DBT: variants seen among roughly 807,000 people sequenced by gnomAD.
The protein encoded by DBT is dihydrolipoamide branched chain transacylase E2.
DBT carries 40 observed loss-of-function variants against 51.3 expected under a neutral mutation model. The observed-to-expected ratio is 0.78, with a 90% CI of 0.61 to 1.02. The LOEUF (loss-of-function observed/expected upper bound fraction) is 1.02. Ranked by LOEUF, DBT falls within the 50% of genes least tolerant of loss-of-function variation. DBT has a pLI of 0.00. For synonymous variants in DBT, 181 were observed against 190.4 expected (o/e 0.95, Z 0.41); for missense variants, 510 against 580.2 (o/e 0.88, Z 1.24).
At chr1:100,213,330 C>G in intron 7 of DBT, 1 of 1,516,204 alleles carries the variant, frequency 6.6e-7, no homozygotes. Flanking sequence ...CGGCCGCCCG[C>G]CTACAACCTG....
intron 2 of DBT, among the ~76,000 whole-genome samples, chr1:100,238,238 C>T (rs1035239421): frequency 7.2e-6 from 1 of 138,770 alleles, no homozygotes; most frequent in African/African-American, 2.6e-5. Context: ...CCCTTCCTTC[C>T]CTCACTTCCT....
intron 10 of DBT, among the ~76,000 whole-genome samples, chr1:100,200,463 G>T (rs1661372525): frequency 6.6e-6 from 1 of 152,204 alleles, no homozygotes; most frequent in Non-Finnish European, 1.5e-5. Flanking sequence ...GGGGGAAGGG[G>T]TGGCTGTGGG....
intron 8 of DBT, 108 bp downstream of exon 8, chr1:100,210,586 A>G: frequency 6.8e-7 from 1 of 1,466,484 alleles, no homozygotes; most frequent in Non-Finnish European, 9.3e-7. Context: ...CTTTAATTCT[A>G]GTCTAAAAAA....
At position 100,196,431 on chromosome 1, in the gene DBT, GAAAAAAAAAAAAAAAAA is replaced by G. The variant is rs752915898; in HGVS notation, c.1282-26_1282-10del. On this transcript the variant is annotated splice_polypyrimidine_tract_variant and intron_variant, in intron 10 of 10. Coordinates refer to ENST00000370132, the MANE Select transcript of DBT (RefSeq NM_001918.5). ...TTAAATCGGGGAATGGCCTAGAAAT[GAAAAAAAAAAAAAAAAA>G]AAAAAAAAAAAGAACAAAGAGTAAA... 3.5e-5 allele frequency: 23 copies of G among 649,008 alleles called. No homozygotes were observed. Among genetic ancestry groups the G allele is most frequent in the Admixed American group, 1.3e-4 (3 of 22,736 alleles). The allele number at this position is 649,008 out of a possible 1,614,324, so 40.2% of individuals were successfully genotyped here.
At chr1:100,213,985 CA>C (rs1262855857) in intron 7 of DBT, among the ~76,000 whole-genome samples, 6 of 148,706 alleles carry the variant, frequency 4.0e-5, no homozygotes, top group Admixed American at 2.0e-4. Context: ...ATAATGTATA[CA>C]GCATGCTTAC....
chr1:100,249,080 G>A (rs1196310573), intron 1 of DBT: 1 of 987,956 alleles, frequency 1.0e-6, no homozygotes, highest in Non-Finnish European at 1.2e-6. Context: ...ACCAAGGCAG[G>A]AGCATCTAGG....
chr1:100,213,708 T>A (rs1662303025), intron 7 of DBT: 1 of 1,588,992 alleles, frequency 6.3e-7, no homozygotes, highest in Non-Finnish European at 8.5e-7. Context: ...CACCCAGCTC[T>A]CTTTTTCTAA....
chr1:100,196,777 TTAAA>T (rs1661135011), intron 10 of DBT: 1 of 225,154 alleles, frequency 4.4e-6, no homozygotes, highest in African/African-American at 2.3e-5. Context: ...AGACAGACAA[TTAAA>T]TAAGGCTTCC....
rs1010389103 is a variant in DBT at position 100,206,113 on chromosome 1, A to T, written c.1281+117T>A. The T allele has an allele frequency of 7.2e-5, 54 of 750,864 alleles. 1 individual carries two copies. The East Asian group carries it at 1.3e-3, about 18-fold the overall frequency. 46.5% of individuals were successfully genotyped at this position (750,864 alleles called of 1,614,324 possible). A position where few individuals can be genotyped will look rare whatever the true frequency, so the allele number is the denominator to read the frequency against. ...AAAGAAATAATAGACTTTCTAAGAT[A>T]AACTCAGAAACTTAAAACCTACAAA... On this transcript the variant is annotated intron_variant, in intron 10 of 10. Coordinates refer to ENST00000370132, the MANE Select transcript of DBT (RefSeq NM_001918.5).
At chr1:100,227,232 G>A (rs1213247921) in intron 4 of DBT, among the ~76,000 whole-genome samples, 1 of 152,204 alleles carries the variant, frequency 6.6e-6, no homozygotes, top group Non-Finnish European at 1.5e-5. Context: ...TGACCATAAC[G>A]TCGTTATGCG....
intron 6 of DBT, among the ~76,000 whole-genome samples, chr1:100,215,737 G>C (rs1474297043): frequency 6.6e-6 from 1 of 152,118 alleles, no homozygotes; most frequent in Non-Finnish European, 1.5e-5. Flanking sequence ...CAGGAGAATT[G>C]CTTGAACCTG....
chr1:100,244,174 G>A (rs1664404434), intron 1 of DBT, among the ~76,000 whole-genome samples: 1 of 151,678 alleles, frequency 6.6e-6, no homozygotes, highest in African/African-American at 2.4e-5. Context: ...GCTGCACTGT[G>A]CATAATAAGC....
chr1:100,246,130 C>T (rs780366374), intron 1 of DBT, among the ~76,000 whole-genome samples: 10 of 151,578 alleles, frequency 6.6e-5, no homozygotes, highest in Admixed American at 2.6e-4. Flanking sequence ...GGCATGGTGG[C>T]GCGTGCCTGC....
At position 100,206,489 on chromosome 1, in the gene DBT, T is replaced by G; in HGVS notation, c.1165A>C (p.Thr389Pro). 1 of 1,613,874 alleles carries G rather than the reference T, an allele frequency of 6.2e-7. No homozygotes were observed. ...GTAAATGTTCCTCCTGTAAGATCAG[T>G]GGTGCTGAGCTGACTCACAGAGCCC... ...KLGSVSQLST[T>P]DLTGGTFTLS... Residue 389 changes from threonine (T) to proline (P), a missense_variant, in exon 9 of 11, where the codon ACT becomes CCT. Thr to Pro is a conservative substitution (Grantham distance 38). Transcript: ENST00000370132.
chr1:100,220,990 G>A (rs1198628533), intron 4 of DBT, among the ~76,000 whole-genome samples: 1 of 152,212 alleles, frequency 6.6e-6, no homozygotes, highest in Non-Finnish European at 1.5e-5. Context: ...TCAATGGTAG[G>A]AACCCCAATA....
At chr1:100,236,093 C>CTT (rs1225134794) in intron 2 of DBT, among the ~76,000 whole-genome samples, 4 of 145,838 alleles carry the variant, frequency 2.7e-5, no homozygotes, top group Middle Eastern at 3.6e-3. Flanking sequence ...CCCATCCCTC[C>CTT]TTTTTTTTTT....
chr1:100,207,688 AT>A (rs1348693713), intron 8 of DBT, among the ~76,000 whole-genome samples: 3 of 151,426 alleles, frequency 2.0e-5, no homozygotes, highest in South Asian at 2.1e-4. Context: ...AGCTACAAAA[AT>A]TTTTTTTTAA....
intron 1 of DBT, among the ~76,000 whole-genome samples, chr1:100,245,229 A>AT (rs1486673017): frequency 6.6e-6 from 1 of 151,902 alleles, no homozygotes; most frequent in South Asian, 2.1e-4. Context: ...AATAATAATA[A>AT]AATAAAGACA....
At chr1:100,210,622 G>A in intron 8 of DBT, 72 bp downstream of exon 8, 6 of 1,599,784 alleles carry the variant, frequency 3.8e-6, no homozygotes, top group Non-Finnish European at 5.1e-6. Flanking sequence ...TACAATAGAA[G>A]TCTCTAATCT....
Sources: gnomAD v4.1 joint callset for allele counts (sites outside exome capture counted in the v4.1 genomes callset) on GRCh38, gnomAD v4.1.1 for gene constraint, MANE v1.5 for transcripts, NCBI Gene and HGNC (gene_info 2026-07-23, HGNC 2026-07-21) for gene names.